The following NUP214 variants were observed in gnomAD, a reference collection of about 807,000 sequenced individuals.
The protein encoded by NUP214 is nuclear pore complex protein Nup214.
In NUP214, 79 loss-of-function variants were observed where a neutral mutation model predicts 196.2. The ratio of observed to expected loss-of-function variants is 0.40; its 90% CI spans 0.34 to 0.49. The LOEUF is 0.49. Among genes scored for constraint, NUP214 ranks in the 20% least tolerant of loss-of-function variants. The pLI is 0.58. For missense variants in NUP214, 2,468 were observed against 2,539.0 expected (o/e 0.97, Z 0.60); for synonymous variants, 1,020 against 990.5 (o/e 1.03, Z -0.56).
chr9:131,228,152 T>C lies in NUP214; in HGVS notation c.5903-8T>C, dbSNP rs1834774835. The C allele has an allele frequency of 3.8e-6, 6 of 1,567,820 alleles. No homozygotes were observed. The East Asian group carries it at 1.4e-4, about 38-fold the overall frequency. Reference sequence around the variant, plus strand: ...CTATTTCTGTTTGTTTGCCTCTGTTTTGCTCAGGTGGCTTCGGTGCTGCTC... The same window carrying C: ...CTATTTCTGTTTGTTTGCCTCTGTTCTGCTCAGGTGGCTTCGGTGCTGCTC... On this transcript the variant is annotated splice_polypyrimidine_tract_variant and splice_region_variant and intron_variant, in intron 32 of 35. Transcript: ENST00000359428.
intron 35 of NUP214, 36 bp from the exon 36 acceptor site, chr9:131,233,418 C>T: frequency 1.9e-6 from 3 of 1,577,778 alleles, no homozygotes; most frequent in Non-Finnish European, 2.6e-6. Flanking sequence ...TGTGACAGAG[C>T]AGCTGACTCC....
At chr9:131,213,749 TAC>T (rs1834312369) in intron 30 of NUP214, among the ~76,000 whole-genome samples, 3 of 120,418 alleles carry the variant, frequency 2.5e-5, no homozygotes, top group East Asian at 2.4e-4. Context: ...AGTGAATTGG[TAC>T]TGTTGTTGTT....
chr9:131,177,070 T>G (rs1833140396), intron 23 of NUP214, among the ~76,000 whole-genome samples: 1 of 152,242 alleles, frequency 6.6e-6, no homozygotes, highest in African/African-American at 2.4e-5. Flanking sequence ...TAAAATTATT[T>G]TTTAGATGTA....
At chr9:131,160,971 A>C (rs1436314939) in intron 18 of NUP214, among the ~76,000 whole-genome samples, 6 of 152,224 alleles carry the variant, frequency 3.9e-5, no homozygotes, top group African/African-American at 1.4e-4. Flanking sequence ...TTGCTTTCCC[A>C]CAAGGGAAAC....
Position 131,130,926 on chromosome 9 carries a change from A to AGT in NUP214, c.663+90_663+91insGT, listed in dbSNP as rs1448575850. On this transcript the variant is annotated intron_variant, in intron 5 of 35. Coordinates refer to ENST00000359428, the MANE Select transcript of NUP214 (RefSeq NM_005085.4). Reference sequence around the variant, plus strand: ...GAGTATCTTTCTTGTTTTTCCTATTAAAAAGTAATTTATACTCATTGTAAC... The same window carrying AGT: ...GAGTATCTTTCTTGTTTTTCCTATTAGTAAAAGTAATTTATACTCATTGTAAC... 16 of 978,370 alleles carry AGT rather than the reference A, an allele frequency of 1.6e-5. No individual in the cohort carries two copies. The East Asian group carries it at 3.3e-4, about 20-fold the overall frequency. 60.6% of individuals were successfully genotyped at this position (978,370 alleles called of 1,614,324 possible).
Position 131,174,084 on chromosome 9 carries a change from C to T in NUP214, c.2923C>T (p.Gln975Ter). ...CCTGTCTCGATCAGCCTTTCTGTCT[C>T]AGAGATATTATGAAGACTTGGATGA... ...ASLSRSAFLSQRYYEDLDEVS... is the reference protein window; with the variant it reads ...ASLSRSAFLS Residue 975 changes from glutamine (Q) to a stop codon, truncating the protein, a stop_gained, in exon 22 of 36, where the codon CAG (glutamine) becomes TAG (stop). Coordinates refer to ENST00000359428, the MANE Select transcript of NUP214 (RefSeq NM_005085.4). LOFTEE classifies it high-confidence loss of function. The T allele has an allele frequency of 1.2e-6, 2 of 1,613,422 alleles. No individual in the cohort carries two copies. The highest frequency in any genetic ancestry group is 1.7e-6 in the Non-Finnish European group (2 of 1,179,786).
intron 17 of NUP214, among the ~76,000 whole-genome samples, chr9:131,154,639 G>A (rs756127047): frequency 6.6e-6 from 1 of 152,166 alleles, no homozygotes; most frequent in Admixed American, 6.5e-5. Flanking sequence ...GAGCCACCGC[G>A]CCTGTTCCGT....
At chr9:131,186,471 C>T (rs1833452305) in intron 24 of NUP214, among the ~76,000 whole-genome samples, 1 of 152,186 alleles carries the variant, frequency 6.6e-6, no homozygotes, top group African/African-American at 2.4e-5. Context: ...AATATGAATC[C>T]TCCCTAAATC....
intron 9 of NUP214, among the ~76,000 whole-genome samples, chr9:131,137,487 A>G (rs941237389): frequency 1.4e-5 from 2 of 146,426 alleles, no homozygotes; most frequent in Admixed American, 6.8e-5. Context: ...CGTTGTTTTA[A>G]TTTCTTATCT....
intron 30 of NUP214, among the ~76,000 whole-genome samples, chr9:131,206,148 C>CTTTTTTTTTGTTTTTTTTTT (rs1834077299): frequency 1.3e-5 from 1 of 76,388 alleles, no homozygotes; most frequent in Non-Finnish European, 2.4e-5. Context: ...TTTCTTTTTT[C>CTTTTTTTTTGTTTTTTTTTT]TTTTTTTTTT....
rs746341047 is a variant in NUP214, at chr9:131,127,688, A to T, written c.210A>T (p.Gln70His). 6.2e-7 allele frequency: 1 copy of T among 1,614,038 alleles called. No individual in the cohort carries two copies. The highest frequency in any genetic ancestry group is 1.1e-5 in the South Asian group (1 of 91,046). ...QIFPTKNLLI[Q>H]NKPGDDPNKI... ...TTCCTACTAAAAATCTTCTTATTCA[A>T]AATAAACCCGGAGATGATCCCAACA... The change falls in exon 2 of 36, where the codon CAA becomes CAT. Residue 70 changes from glutamine (Q) to histidine (H), a missense_variant. By Grantham distance (24) the Gln-to-His change is conservative (BLOSUM62 0). This residue lies in a region of NUP214 where 392 missense variants were observed against 417.9 expected (regional missense o/e 0.94). Transcript: ENST00000359428.
intron 21 of NUP214, among the ~76,000 whole-genome samples, chr9:131,171,704 TC>T (rs1297784180): frequency 6.6e-6 from 1 of 151,974 alleles, no homozygotes; most frequent in Non-Finnish European, 1.5e-5. Context: ...CCCTCCCTCC[TC>T]CCCGCACCCC....
At chr9:131,212,441 C>A (rs1386839433) in intron 30 of NUP214, among the ~76,000 whole-genome samples, 1 of 152,174 alleles carries the variant, frequency 6.6e-6, no homozygotes, top group Non-Finnish European at 1.5e-5. Context: ...TTTTGTGGCT[C>A]AGGGGGCATC....
intron 11 of NUP214, 111 bp from the exon 12 acceptor site, chr9:131,144,169 A>G (rs1832012056): frequency 5.9e-6 from 5 of 847,682 alleles, no homozygotes; most frequent in South Asian, 5.0e-5. Context: ...TTCTTAAACT[A>G]GTAACATTTC....
At chr9:131,204,748 C>G (rs1834032889) in intron 30 of NUP214, among the ~76,000 whole-genome samples, 1 of 152,146 alleles carries the variant, frequency 6.6e-6, no homozygotes, top group Non-Finnish European at 1.5e-5. Flanking sequence ...AAAGACAGAA[C>G]CTTCCAAAAC....
At chr9:131,174,339 G>C (rs187393130) in intron 22 of NUP214, 21 bp downstream of exon 22, 2 of 1,601,806 alleles carry the variant, frequency 1.2e-6, no homozygotes, top group East Asian at 2.2e-5. Flanking sequence ...AGTGGGAAAG[G>C]AAACTGTTTT....
At chr9:131,129,209 A>T in intron 3 of NUP214, 70 bp from the exon 4 acceptor site, 1 of 1,304,534 alleles carries the variant, frequency 7.7e-7, no homozygotes, top group Non-Finnish European at 1.1e-6. Context: ...AGTAATTTCC[A>T]TTGAATATTA....
At position 131,129,287 on chromosome 9, in the gene NUP214, GC is replaced by G. The variant is rs755688400; in HGVS notation, c.403del (p.Gln135LysfsTer11). On this transcript the variant is annotated frameshift_variant, in exon 4 of 36. Coordinates refer to ENST00000359428, the MANE Select transcript of NUP214 (RefSeq NM_005085.4). LOFTEE classifies it high-confidence loss of function. Reference protein sequence around the residue: ...VRTFSNEAKQQKRPFAYHKLL... With the variant: ...VRTFSNEAKQXKRPFAYHKLL... The stretch of plus-strand genomic sequence containing the variant: ...CATATTTGTTTTAAAAGGCTAAACA[GC>G]AAAAACGCCCATTTGCCTATCATAA... 6.2e-7 allele frequency: 1 copy of G among 1,613,840 alleles called. No homozygotes were observed. The highest frequency in any genetic ancestry group is 8.5e-7 in the Non-Finnish European group (1 of 1,179,928).
chr9:131,159,268 G>C, intron 17 of NUP214, 115 bp from the exon 18 acceptor site: 1 of 701,984 alleles, frequency 1.4e-6, no homozygotes, highest in South Asian at 1.8e-5. Flanking sequence ...TGTTTTCCTT[G>C]TTCATTATGG....
Sources: allele counts gnomAD v4.1 joint callset (sites outside exome capture counted in the v4.1 genomes callset), GRCh38; gene constraint gnomAD v4.1.1; regional missense constraint gnomAD v4.1.1; transcripts MANE v1.5; gene names NCBI Gene and HGNC (gene_info 2026-07-23, HGNC 2026-07-21).